Variants in URB1 observed in about 807,000 individuals in gnomAD.
URB1 encodes the protein URB1 ribosome biogenesis factor.
In URB1, 197 loss-of-function variants were observed where a neutral mutation model predicts 242.3. The ratio of observed to expected loss-of-function variants is 0.81; its 90% CI spans 0.72 to 0.91. The LOEUF (loss-of-function observed/expected upper bound fraction) is 0.91. Among genes scored for constraint, URB1 ranks in the 40% least tolerant of loss-of-function variants. URB1 has a pLI of 0.00. For missense variants in URB1, 2,721 were observed against 2,860.5 expected, an observed-to-expected ratio of 0.95 and a Z score of 1.11; for synonymous variants, 1,153 against 1,201.8, an observed-to-expected ratio of 0.96 and a Z score of 0.84.
rs926708216 is a variant in URB1, at chr21:32,330,246, T to C, written c.4960+3071A>G. Reference sequence around the variant, plus strand: ...GGGTATATCCATTTCCCTCTCCACCTGTATGCCTTTTGAAATGTTCTACTT... The same window carrying C: ...GGGTATATCCATTTCCCTCTCCACCCGTATGCCTTTTGAAATGTTCTACTT... On this transcript the variant is annotated intron_variant, in intron 30 of 38. Transcript: ENST00000382751. 2.0e-5 allele frequency among the ~76,000 whole-genome samples: 3 copies of C among 146,406 alleles called. No homozygotes were observed. The South Asian group carries it at 6.9e-4, about 34-fold the overall frequency.
chr21:32,340,402 AG>A (rs1013647111), intron 25 of URB1, among the ~76,000 whole-genome samples: 10 of 152,128 alleles, frequency 6.6e-5, no homozygotes, highest in Admixed American at 6.5e-5. Flanking sequence ...ACCTGAGGTC[AG>A]GAGTTCGAGA....
chr21:32,328,385 G>A (rs1307298491), intron 30 of URB1, among the ~76,000 whole-genome samples: 5 of 152,132 alleles, frequency 3.3e-5, no homozygotes, highest in African/African-American at 9.7e-5. Flanking sequence ...TGATCAGCTC[G>A]CCTTGGCCTC....
chr21:32,329,907 C>T (rs1256407912), intron 30 of URB1, among the ~76,000 whole-genome samples: 1 of 152,176 alleles, frequency 6.6e-6, no homozygotes, highest in Non-Finnish European at 1.5e-5. Flanking sequence ...TCATGTGTAT[C>T]GCCATTTACA....
chr21:32,337,004 G>T, intron 28 of URB1, 90 bp downstream of exon 28: 1 of 1,312,392 alleles, frequency 7.6e-7, no homozygotes, highest in Non-Finnish European at 1.1e-6. Flanking sequence ...GAACCAAAAT[G>T]GAATGAGAGA....
chr21:32,325,081 C>T, intron 31 of URB1, 148 bp downstream of exon 31: 1 of 1,071,200 alleles, frequency 9.3e-7, no homozygotes, highest in South Asian at 1.9e-5. Flanking sequence ...CCTAAGGGAA[C>T]AGACTTTTGC....
chr21:32,345,476 T>C lies in URB1; in HGVS notation c.3968A>G (p.Gln1323Arg). 6.4e-7 allele frequency: 1 copy of C among 1,551,656 alleles called. No individual in the cohort carries two copies. ...TDSPPASGLY[Q>R]EILAQLVPFA... is the part of the protein sequence containing the mutation. ...CGGGACCAGCTGTGCCAGGATCTCC[T>C]GGTACAGCCCAGATGCTGGGGGACT... The change falls in exon 23 of 39, where the codon CAG (glutamine) becomes CGG (arginine). Residue 1323 changes from glutamine to arginine, a missense_variant. Physicochemically the swap from Gln to Arg is conservative, Grantham distance 43 (BLOSUM62 1). Transcript: ENST00000382751.
At chr21:32,355,893 G>A (rs543740291) in intron 15 of URB1, among the ~76,000 whole-genome samples, 12 of 152,340 alleles carry the variant, frequency 7.9e-5, no homozygotes, top group African/African-American at 2.9e-4. Context: ...TTATAGGCAT[G>A]AGCCACCACA....
chr21:32,321,880 T>C lies in URB1; in HGVS notation c.5405A>G (p.Tyr1802Cys), dbSNP rs2032771321. Residue 1802 changes from tyrosine (Y) to cysteine (C), a missense_variant, in exon 34 of 39, where the codon TAC becomes TGC. Physicochemically the swap from Tyr to Cys is radical, Grantham distance 194. Transcript: ENST00000382751. ...LRQGIRDKQCYELCARRGIFH... is the reference protein window; with the variant it reads ...LRQGIRDKQCCELCARRGIFH... Reference sequence around the variant, plus strand: ...GATGCCACGCCGGGCACACAGTTCGTAGCACTGCTTGTCACGGATCCCCTG... The same window carrying C: ...GATGCCACGCCGGGCACACAGTTCGCAGCACTGCTTGTCACGGATCCCCTG... 1.3e-6 allele frequency: 2 copies of C among 1,551,686 alleles called. No individual in the cohort carries two copies. The highest frequency in any genetic ancestry group is 1.4e-5 in the African/African-American group (1 of 73,172).
chr21:32,352,245 A>G (rs2033166550), intron 19 of URB1, among the ~76,000 whole-genome samples: 1 of 152,204 alleles, frequency 6.6e-6, no homozygotes, highest in Admixed American at 6.5e-5. Context: ...AGTCCCCAGC[A>G]AAAGAAAATA....
chr21:32,374,436 G>A (rs767137913), intron 6 of URB1, among the ~76,000 whole-genome samples: 2 of 152,126 alleles, frequency 1.3e-5, no homozygotes, highest in Admixed American at 6.5e-5. Flanking sequence ...ACAACCATAC[G>A]TCACGGTCCA....
intron 28 of URB1, among the ~76,000 whole-genome samples, chr21:32,334,682 C>A (rs965893242): frequency 6.6e-6 from 1 of 152,062 alleles, no homozygotes; most frequent in Non-Finnish European, 1.5e-5. Context: ...GAAAGAGGTG[C>A]GGAGAGGATT....
intron 19 of URB1, among the ~76,000 whole-genome samples, chr21:32,351,553 T>C (rs552373804): frequency 6.6e-6 from 1 of 152,318 alleles, no homozygotes; most frequent in East Asian, 1.9e-4. Context: ...GTTGTCAGTG[T>C]TCCCCAGGCC....
chr21:32,387,571 C>G (rs969868732), intron 1 of URB1, among the ~76,000 whole-genome samples: 3 of 132,300 alleles, frequency 2.3e-5, no homozygotes, highest in African/African-American at 8.6e-5. Flanking sequence ...GCCTTCATCT[C>G]TTCTGGGGAG....
At chr21:32,349,163 G>A (rs1251487925) in intron 21 of URB1, 141 bp downstream of exon 21, 2 of 1,178,130 alleles carry the variant, frequency 1.7e-6, no homozygotes, top group Non-Finnish European at 2.3e-6. Context: ...CGGGTGCCAG[G>A]AAGTTTTTAT....
At chr21:32,355,277 G>A (rs527286489) in intron 16 of URB1, among the ~76,000 whole-genome samples, 172 bp downstream of exon 16, 10 of 152,214 alleles carry the variant, frequency 6.6e-5, no homozygotes, top group Admixed American at 1.3e-4. Context: ...TAATATATAC[G>A]TATTTTACAG....
At chr21:32,366,882 C>T in intron 9 of URB1, 127 bp from the exon 10 acceptor site, 1 of 1,026,572 alleles carries the variant, frequency 9.7e-7, no homozygotes, top group South Asian at 1.7e-5. Flanking sequence ...CGAGACTCCC[C>T]ACAAGGCAGA....
rs979106173 is a variant in URB1 at position 32,355,173 on chromosome 21, C to T, written c.2107-176G>A. 2.0e-5 allele frequency among the ~76,000 whole-genome samples: 3 copies of T among 152,182 alleles called. No homozygotes were observed. In the South Asian group the frequency reaches 6.2e-4, roughly 31 times the overall value. On this transcript the variant is annotated intron_variant, in intron 16 of 38. Transcript: ENST00000382751. ...TTATTGTGGAGTTAAAAAAAAATCT[C>T]CTTTTACTATAGCACTGCTTTTAAT...
In URB1 at chr21:32,347,619, G is replaced by C; in HGVS notation, c.3205C>G (p.Leu1069Val). ...SAPILQNIGQLGLLARYSEAI... is the reference protein window; with the variant it reads ...SAPILQNIGQVGLLARYSEAI... ...TCTGAGTACCTGGCCAGAAGGCCCA[G>C]CTGCCCAATGTTCTGGAGGATCGGG... is the stretch of plus-strand genomic sequence containing the variant. The change falls in exon 22 of 39, where the codon CTG (leucine) becomes GTG (valine). Residue 1069 changes from leucine (L) to valine (V), a missense_variant. Physicochemically the swap from Leu to Val is conservative, Grantham distance 32. Coordinates refer to ENST00000382751, the MANE Select transcript of URB1 (RefSeq NM_014825.3). 1 of 1,551,698 alleles carries C rather than the reference G, an allele frequency of 6.4e-7. No homozygotes were observed. Among genetic ancestry groups the C allele is most frequent in the Non-Finnish European group, 8.7e-7 (1 of 1,146,996 alleles).
At chr21:32,334,142 A>C (rs750943546) in intron 29 of URB1, 21 bp downstream of exon 29, 91 of 1,530,066 alleles carry the variant, frequency 5.9e-5, no homozygotes, top group Non-Finnish European at 7.4e-5. Flanking sequence ...GTGGGTAGGG[A>C]CAGAACAGCA....
Sources: allele counts gnomAD v4.1 joint callset (sites outside exome capture counted in the v4.1 genomes callset), GRCh38; gene constraint gnomAD v4.1.1; transcripts MANE v1.5; gene names NCBI Gene and HGNC (gene_info 2026-07-23, HGNC 2026-07-21).